HCN1: variants seen among roughly 807,000 people sequenced by gnomAD.
The protein encoded by HCN1 is hyperpolarization activated cyclic nucleotide gated potassium channel 1, also known as potassium/sodium hyperpolarization-activated cyclic nucleotide-gated channel 1.
Under a neutral mutation model 78.9 loss-of-function variants are expected in HCN1, and 13 were observed. The ratio of observed to expected loss-of-function variants is 0.16; its 90% CI spans 0.11 to 0.26. HCN1 has a LOEUF of 0.26. Among genes scored for constraint, HCN1 ranks in the 10% least tolerant of loss-of-function variants. HCN1 has a pLI of 1.00. For synonymous variants in HCN1, 552 were observed against 455.5 expected (o/e 1.21, Z -2.70); for missense variants, 810 against 1,154.3 (o/e 0.70, Z 4.32).
chr5:45,526,410 A>G (rs1437083046), intron 2 of HCN1, among the ~76,000 whole-genome samples: 1 of 152,050 alleles, frequency 6.6e-6, no homozygotes, highest in Non-Finnish European at 1.5e-5. Context: ...AGTTTCAGCC[A>G]CTGGCCTTCG....
At chr5:45,571,914 CAAAAAT>C (rs2111903574) in intron 2 of HCN1, among the ~76,000 whole-genome samples, 2 of 152,148 alleles carry the variant, frequency 1.3e-5, no homozygotes, top group East Asian at 3.9e-4. Context: ...AATTCCATCT[CAAAAAT>C]AATAATAAAA....
chr5:45,373,041 A>T (rs1270159742), intron 4 of HCN1, among the ~76,000 whole-genome samples: 3 of 136,648 alleles, frequency 2.2e-5, no homozygotes, highest in Non-Finnish European at 3.1e-5. Flanking sequence ...TATTAAATAT[A>T]TAAAATATAA....
At chr5:45,693,319 C>CTATTAAGACTGG (rs1329457883) in intron 1 of HCN1, among the ~76,000 whole-genome samples, 1 of 151,878 alleles carries the variant, frequency 6.6e-6, no homozygotes, top group African/African-American at 2.4e-5. Flanking sequence ...ATTATTTTTG[C>CTATTAAGACTGG]AGTTTGTTTT....
At chr5:45,549,584 TG>T (rs1156784206) in intron 2 of HCN1, among the ~76,000 whole-genome samples, 1 of 152,160 alleles carries the variant, frequency 6.6e-6, no homozygotes, top group Non-Finnish European at 1.5e-5. Flanking sequence ...GACATAGGCA[TG>T]GGCAAGTACT....
At chr5:45,553,181 T>A (rs1308877238) in intron 2 of HCN1, among the ~76,000 whole-genome samples, 1 of 151,892 alleles carries the variant, frequency 6.6e-6, no homozygotes, top group East Asian at 1.9e-4. Flanking sequence ...TTAACTCCTA[T>A]CACAGGAACG....
intron 2 of HCN1, among the ~76,000 whole-genome samples, chr5:45,484,222 G>A (rs186352190): frequency 1.3e-5 from 2 of 152,188 alleles, no homozygotes; most frequent in East Asian, 1.9e-4. Context: ...CACAAGGTCA[G>A]GAGATTGAGA....
chr5:45,649,767 A>G (rs931106125), intron 1 of HCN1, among the ~76,000 whole-genome samples: 2 of 152,148 alleles, frequency 1.3e-5, no homozygotes, highest in African/African-American at 4.8e-5. Flanking sequence ...GCAAATGTTA[A>G]GAATATTTAT....
At chr5:45,589,412 T>C (rs900744029) in intron 2 of HCN1, among the ~76,000 whole-genome samples, 2 of 152,202 alleles carry the variant, frequency 1.3e-5, no homozygotes, top group African/African-American at 4.8e-5. Flanking sequence ...TAGAGTTGTA[T>C]GAGATGGCTG....
intron 1 of HCN1, among the ~76,000 whole-genome samples, chr5:45,671,129 TGCCTTCCTTAATA>T (rs1389427459): frequency 6.6e-6 from 1 of 151,618 alleles, no homozygotes; most frequent in Non-Finnish European, 1.5e-5. Context: ...ATTTTCCATA[TGCCTTCCTTAATA>T]GCCCCATCAC....
Position 45,648,233 on chromosome 5 carries a change from C to T in HCN1, c.426-2625G>A, listed in dbSNP as rs73103092. ...ATACTCATTTCTACAGACATCTTTG[C>T]ATTTCTGTAATTAAGATAGAAGCTT... On this transcript the variant is annotated intron_variant, in intron 1 of 7. Transcript: ENST00000303230. Among the ~76,000 whole-genome samples, 209 of 152,252 alleles carry T rather than the reference C, an allele frequency of 1.4e-3. 2 individuals carry two copies. Among genetic ancestry groups the T allele is most frequent in the African/African-American group, 5.0e-3 (208 of 41,556 alleles).
chr5:45,262,125 G>A lies in HCN1; in HGVS notation c.2469C>T (p.Pro823=), dbSNP rs142485423. The change falls in exon 8 of 8, where the codon CCC becomes CCT. Residue 823 remains proline, a synonymous_variant. Transcript: ENST00000303230. ...ASIPQPVTAV[P]GTGLQAGGRS... ...TGCCCCCTGCCTGAAGGCCCGTTCC[G>A]GGGACCGCCGTCACGGGTTGAGGGA... The A allele has an allele frequency of 2.0e-5, 32 of 1,612,704 alleles. No individual in the cohort carries two copies. The highest frequency in any genetic ancestry group is 2.7e-5 in the African/African-American group (2 of 74,916).
At chr5:45,475,491 C>T (rs1741493425) in intron 2 of HCN1, among the ~76,000 whole-genome samples, 2 of 152,034 alleles carry the variant, frequency 1.3e-5, no homozygotes, top group African/African-American at 4.8e-5. Context: ...TAATGGAAAA[C>T]TTTGACTGTG....
At chr5:45,355,956 CT>C (rs1746999426) in intron 4 of HCN1, among the ~76,000 whole-genome samples, 1 of 151,860 alleles carries the variant, frequency 6.6e-6, no homozygotes, top group Non-Finnish European at 1.5e-5. Flanking sequence ...AAAACAGGAG[CT>C]TTTTCTTTTT....
chr5:45,434,268 A>G (rs1033770647), intron 3 of HCN1, among the ~76,000 whole-genome samples: 1 of 152,176 alleles, frequency 6.6e-6, no homozygotes, highest in Admixed American at 6.5e-5. Flanking sequence ...GTACAAGATG[A>G]TGGGTTCCTA....
At chr5:45,466,317 A>C (rs1741270436) in intron 2 of HCN1, among the ~76,000 whole-genome samples, 1 of 152,206 alleles carries the variant, frequency 6.6e-6, no homozygotes, top group African/African-American at 2.4e-5. Flanking sequence ...CTTAACCAAA[A>C]AACTATCAAA....
At chr5:45,512,459 C>A (rs151304406) in intron 2 of HCN1, among the ~76,000 whole-genome samples, 1 of 151,938 alleles carries the variant, frequency 6.6e-6, no homozygotes, top group African/African-American at 2.4e-5. Context: ...ACTTTCCAGA[C>A]CTAACTAGTT....
chr5:45,376,236 C>CTAGATATTCTATATAGAATATAGAA (rs1747658500), intron 4 of HCN1, among the ~76,000 whole-genome samples: 1 of 27,952 alleles, frequency 3.6e-5, no homozygotes, highest in Non-Finnish European at 7.3e-5. Context: ...AATATATATT[C>CTAGATATTCTATATAGAATATAGAA]TATATATTCT....
intron 1 of HCN1, among the ~76,000 whole-genome samples, chr5:45,655,196 A>G (rs1251928381): frequency 1.3e-5 from 2 of 152,142 alleles, no homozygotes; most frequent in Non-Finnish European, 2.9e-5. Context: ...CTTACTGAAT[A>G]TTAAGGAGGC....
At chr5:45,306,787 T>C (rs1745743629) in intron 5 of HCN1, among the ~76,000 whole-genome samples, 1 of 152,116 alleles carries the variant, frequency 6.6e-6, no homozygotes, top group Non-Finnish European at 1.5e-5. Flanking sequence ...TATAATTAGC[T>C]CTTTTTATCA....
Sources: allele counts gnomAD v4.1 joint callset (sites outside exome capture counted in the v4.1 genomes callset), GRCh38; gene constraint gnomAD v4.1.1; transcripts MANE v1.5; gene names NCBI Gene and HGNC (gene_info 2026-07-23, HGNC 2026-07-21).